Variants in MYT1L observed in about 807,000 individuals in gnomAD.
MYT1L encodes myelin transcription factor 1-like protein.
Under a neutral mutation model 126.7 loss-of-function variants are expected in MYT1L, and 12 were observed. The observed-to-expected ratio is 0.09, with a 90% CI of 0.06 to 0.15. MYT1L has a LOEUF of 0.15. Among genes scored for constraint, MYT1L ranks in the 10% least tolerant of loss-of-function variants. The pLI is 1.00. For missense variants in MYT1L, 979 were observed against 1,585.2 expected (o/e 0.62, Z 6.49); for synonymous variants, 541 against 604.2 (o/e 0.90, Z 1.53).
rs2048535485 is a variant in MYT1L, at chr2:1,889,286, T to C, written c.2475A>G (p.Lys825=). ...CCTCGTCTATCCTCCGGGGTTTCATTTTGGTGTAGTCTACGGGCAAGTCCC... is the reference window on the plus strand; with the variant it reads ...CCTCGTCTATCCTCCGGGGTTTCATCTTGGTGTAGTCTACGGGCAAGTCCC... ...DCWDLPVDYT[K]MKPRRIDEDE... is the part of the protein sequence containing the mutation. Residue 825 remains lysine (K), a synonymous_variant, in exon 16 of 25, where the codon AAA becomes AAG. Transcript: ENST00000647738. This position sits in a 1 kb window ranked among gnomAD's most constrained non-coding sequence, Gnocchi z 4.1. 4 of 1,613,790 alleles carry C rather than the reference T, an allele frequency of 2.5e-6. No individual in the cohort carries two copies. The highest frequency in any genetic ancestry group is 3.4e-6 in the Non-Finnish European group (4 of 1,179,912).
At chr2:2,197,814 TGCACACAC>T (rs1015106009) in intron 2 of MYT1L, among the ~76,000 whole-genome samples, 8 of 145,710 alleles carry the variant, frequency 5.5e-5, no homozygotes, top group Admixed American at 2.7e-4. Context: ...TATACACACA[TGCACACAC>T]ACACGCACAC....
chr2:2,286,828 C>G (rs557604675), intron 1 of MYT1L, among the ~76,000 whole-genome samples: 102 of 152,284 alleles, frequency 6.7e-4, no homozygotes, highest in Admixed American at 5.6e-3. Context: ...GAAAGGCCAC[C>G]TGCAGAAGGC....
At chr2:1,942,914 C>T (rs924489722) in intron 9 of MYT1L, 68 bp downstream of exon 9, 1 of 1,458,010 alleles carries the variant, frequency 6.9e-7, no homozygotes, top group Non-Finnish European at 9.1e-7. Context: ...GTAGTAACAG[C>T]CGGCAATTCA....
chr2:2,171,466 G>A (rs532482645), intron 3 of MYT1L, among the ~76,000 whole-genome samples: 4 of 152,170 alleles, frequency 2.6e-5, no homozygotes, highest in Admixed American at 1.3e-4. Context: ...TTCACTAAAC[G>A]TCCTTAACTT....
intron 21 of MYT1L, among the ~76,000 whole-genome samples, chr2:1,815,324 G>A (rs1040855414): frequency 6.6e-6 from 1 of 152,194 alleles, no homozygotes; most frequent in African/African-American, 2.4e-5. Context: ...AGCATCAACA[G>A]GCCCCTTCCC....
intron 3 of MYT1L, among the ~76,000 whole-genome samples, chr2:2,155,666 T>G (rs1172378897): frequency 6.6e-6 from 1 of 152,188 alleles, no homozygotes; most frequent in East Asian, 1.9e-4. Flanking sequence ...CTAAATGGGA[T>G]GCCCCAGACA....
In MYT1L at chr2:1,796,370, C is replaced by T. The variant is rs190878566; in HGVS notation, c.3277-3906G>A. Among the ~76,000 whole-genome samples the T allele has an allele frequency of 1.0e-3, 153 of 152,312 alleles. 3 individuals are homozygous for T. Among genetic ancestry groups the T allele is most frequent in the South Asian group, 2.7e-3 (13 of 4,824 alleles). The stretch of plus-strand genomic sequence containing the variant: ...GGTGTAACCCCAAGGAAAGTGTCCT[C>T]GTGCAGGGAGGACTGCCTCCTGCCC... On this transcript the variant is annotated intron_variant, in intron 23 of 24. Coordinates refer to ENST00000647738, the MANE Select transcript of MYT1L (RefSeq NM_001303052.2).
intron 3 of MYT1L, among the ~76,000 whole-genome samples, chr2:2,142,847 T>C (rs567844841): frequency 6.6e-6 from 1 of 151,828 alleles, no homozygotes; most frequent in East Asian, 2.0e-4. Context: ...CCACCATGCC[T>C]GGCTAATGTT....
At chr2:2,214,257 TTATCTATCTATCTATCTATCTATC>T (rs61708071) in intron 2 of MYT1L, among the ~76,000 whole-genome samples, 1 of 147,328 alleles carries the variant, frequency 6.8e-6, no homozygotes, top group African/African-American at 2.5e-5. Flanking sequence ...ATGAGACAAA[TTATCTATCTATCTATCTATCTATC>T]TATCTATCTA....
rs1392581846 is a variant in MYT1L at position 1,801,630 on chromosome 2, A to C, written c.3276+66T>G. ...GACAGCTCTCCTAAAAGCTGATTTCATGCCATGTATCTCTGGTATAATGGC... is the reference window on the plus strand; with the variant it reads ...GACAGCTCTCCTAAAAGCTGATTTCCTGCCATGTATCTCTGGTATAATGGC... On this transcript the variant is annotated intron_variant, in intron 23 of 24. Coordinates refer to ENST00000647738, the MANE Select transcript of MYT1L (RefSeq NM_001303052.2). This position sits in a 1 kb window ranked among gnomAD's most constrained non-coding sequence, Gnocchi z 4.2. 7.3e-6 allele frequency: 7 copies of C among 959,762 alleles called. No individual in the cohort carries two copies. The highest frequency in any genetic ancestry group is 1.1e-5 in the Non-Finnish European group (7 of 613,142). 59.5% of individuals were successfully genotyped at this position (959,762 alleles called of 1,614,324 possible).
intron 3 of MYT1L, among the ~76,000 whole-genome samples, chr2:2,054,473 T>C (rs2069227724): frequency 6.7e-6 from 1 of 150,026 alleles, no homozygotes; most frequent in South Asian, 2.1e-4. Flanking sequence ...CGCATGGGGA[T>C]GATGAGACAT....
At chr2:2,250,710 CA>C (rs1347320380) in intron 2 of MYT1L, among the ~76,000 whole-genome samples, 2 of 151,976 alleles carry the variant, frequency 1.3e-5, no homozygotes, top group Non-Finnish European at 2.9e-5. Context: ...GATGGATACC[CA>C]ATTCTCCATG....
At chr2:1,931,827 A>G (rs1406025269) in intron 9 of MYT1L, among the ~76,000 whole-genome samples, 1 of 152,020 alleles carries the variant, frequency 6.6e-6, no homozygotes, top group Admixed American at 6.5e-5. Context: ...CTGTAAATCA[A>G]TCTACTCCGT....
chr2:1,936,859 T>C (rs1400252151), intron 9 of MYT1L, among the ~76,000 whole-genome samples: 1 of 152,080 alleles, frequency 6.6e-6, no homozygotes, highest in Non-Finnish European at 1.5e-5. Context: ...CTATGAAAAT[T>C]TGTCTTCCAC....
intron 23 of MYT1L, among the ~76,000 whole-genome samples, chr2:1,794,933 C>T (rs933867814): frequency 5.3e-5 from 8 of 152,228 alleles, no homozygotes; most frequent in Non-Finnish European, 1.0e-4. Context: ...TGGTGAGCCC[C>T]GTCCAGGGTC....
chr2:2,178,078 T>C (rs574305540), intron 2 of MYT1L, among the ~76,000 whole-genome samples: 182 of 152,226 alleles, frequency 1.2e-3, no homozygotes, highest in African/African-American at 4.1e-3. Context: ...GATAAAATAT[T>C]TATTTTATAT....
chr2:1,855,182 T>C (rs1249662941), intron 18 of MYT1L, among the ~76,000 whole-genome samples: 1 of 152,234 alleles, frequency 6.6e-6, no homozygotes, highest in African/African-American at 2.4e-5. Flanking sequence ...TACAATGTTC[T>C]GAAGTCGATG....
intron 2 of MYT1L, among the ~76,000 whole-genome samples, chr2:2,231,081 C>A (rs1189683227): frequency 1.3e-5 from 2 of 152,132 alleles, no homozygotes; most frequent in Admixed American, 1.3e-4. Context: ...CAACATTATC[C>A]AAGTTATTAC....
At chr2:1,863,741 A>G (rs1313634356) in intron 18 of MYT1L, among the ~76,000 whole-genome samples, 5 of 142,844 alleles carry the variant, frequency 3.5e-5, no homozygotes, top group South Asian at 2.5e-4. Context: ...GAAACAAAAA[A>G]GGGGGGGGCA....
Sources: allele counts gnomAD v4.1 joint callset (sites outside exome capture counted in the v4.1 genomes callset), GRCh38; gene constraint gnomAD v4.1.1; non-coding constraint Gnocchi (gnomAD v3.1); transcripts MANE v1.5; gene names NCBI Gene and HGNC (gene_info 2026-07-23, HGNC 2026-07-21).